UBE3D: variants seen among roughly 807,000 people sequenced by gnomAD.
UBE3D encodes ubiquitin protein ligase E3D.
A neutral mutation model predicts 49.6 loss-of-function variants in UBE3D; 48 were observed. The ratio of observed to expected loss-of-function variants is 0.97; its 90% confidence interval spans 0.77 to 1.23. The LOEUF (loss-of-function observed/expected upper bound fraction) is 1.23. Ranked by LOEUF, UBE3D falls within the 50% of genes most tolerant of loss-of-function variation. The pLI, the probability that UBE3D is intolerant of heterozygous loss-of-function variation, is 0.00. For synonymous variants in UBE3D, 189 were observed against 174.2 expected, an observed-to-expected ratio of 1.08 and a Z score of -0.67; for missense variants, 452 against 468.4, an observed-to-expected ratio of 0.96 and a Z score of 0.32.
chr6:83,028,225 T>C (rs138513992), intron 5 of UBE3D, among the ~76,000 whole-genome samples: 10 of 152,210 alleles, frequency 6.6e-5, no homozygotes, highest in African/African-American at 1.2e-4. Context: ...ACAATTCCAA[T>C]AAGAAGTCTA....
At chr6:82,901,456 C>A (rs1771730650) in intron 9 of UBE3D, among the ~76,000 whole-genome samples, 1 of 152,210 alleles carries the variant, frequency 6.6e-6, no homozygotes, top group African/African-American at 2.4e-5. Flanking sequence ...ACTGTGCCCA[C>A]TCCAGACTTA....
At chr6:82,974,821 T>C (rs1192579374) in intron 8 of UBE3D, among the ~76,000 whole-genome samples, 1 of 151,998 alleles carries the variant, frequency 6.6e-6, no homozygotes, top group Non-Finnish European at 1.5e-5. Flanking sequence ...AAACATCATA[T>C]TGTGAATATT....
At chr6:82,969,452 CA>C (rs1215183693) in intron 8 of UBE3D, among the ~76,000 whole-genome samples, 4 of 151,836 alleles carry the variant, frequency 2.6e-5, no homozygotes, top group African/African-American at 9.7e-5. Context: ...ACTAAAAATA[CA>C]AAAAAGTAGC....
chr6:83,035,761 T>C (rs906745190), intron 5 of UBE3D, among the ~76,000 whole-genome samples: 11 of 152,140 alleles, frequency 7.2e-5, no homozygotes, highest in Non-Finnish European at 1.6e-4. Flanking sequence ...CTCTGGAAAA[T>C]AGACTTGTAT....
intron 8 of UBE3D, among the ~76,000 whole-genome samples, chr6:82,999,351 T>C (rs533849650): frequency 6.6e-6 from 1 of 152,218 alleles, no homozygotes; most frequent in East Asian, 1.9e-4. Flanking sequence ...TTCTTTCTCA[T>C]GTGTAATCAA....
At chr6:83,017,379 A>C (rs1780766662) in intron 8 of UBE3D, 1 of 152,178 alleles carries the variant, frequency 6.6e-6, no homozygotes, top group Non-Finnish European at 1.5e-5. Flanking sequence ...ATAAACCTAA[A>C]TATATAAAGA....
the UBE3D span, among the ~76,000 whole-genome samples, chr6:82,885,363 A>G: frequency 6.6e-6 from 1 of 152,188 alleles, no homozygotes; most frequent in African/African-American, 2.4e-5. Flanking sequence ...AATCAATTCC[A>G]TAGGGGATGA....
intron 8 of UBE3D, among the ~76,000 whole-genome samples, chr6:82,971,126 A>T (rs2127705667): frequency 6.6e-6 from 1 of 152,178 alleles, no homozygotes; most frequent in East Asian, 1.9e-4. Flanking sequence ...CTAATTTACT[A>T]TTTTCTGACA....
At position 82,894,856 on chromosome 6, in the gene UBE3D, A is replaced by C. The variant is rs190754698; in HGVS notation, c.1150-1814T>G. ...CAGTTTACAGGGACAGGAAGCTCAC[A>C]ACTGTACAAAGAAGACAATGACGCT... is the stretch of plus-strand genomic sequence containing the variant. On this transcript the variant is annotated intron_variant, in intron 9 of 9. Coordinates refer to ENST00000369747, the MANE Select transcript of UBE3D (RefSeq NM_198920.3). Among the ~76,000 whole-genome samples the C allele has an allele frequency of 8.1e-3, 1,238 of 152,354 alleles. 12 individuals are homozygous for C. The highest frequency in any genetic ancestry group is 0.01 in the Non-Finnish European group (698 of 68,034).
At chr6:82,953,198 G>A (rs1775923742) in intron 9 of UBE3D, among the ~76,000 whole-genome samples, 1 of 152,194 alleles carries the variant, frequency 6.6e-6, no homozygotes, top group South Asian at 2.1e-4. Flanking sequence ...GGACACCTCT[G>A]CACCTCTAAT....
intron 8 of UBE3D, among the ~76,000 whole-genome samples, chr6:83,013,080 C>T (rs1232197037): frequency 1.3e-5 from 2 of 152,294 alleles, no homozygotes; most frequent in East Asian, 1.9e-4. Context: ...ATGTAACTTA[C>T]TTGTGCCTTC....
At chr6:83,046,675 G>GGGC (rs1373000873) in intron 3 of UBE3D, among the ~76,000 whole-genome samples, 4 of 139,080 alleles carry the variant, frequency 2.9e-5, no homozygotes, top group Admixed American at 1.5e-4. Flanking sequence ...CAGTTGGCGG[G>GGGC]GGGGGTGGGC....
chr6:83,056,863 A>G (rs1279458867), intron 2 of UBE3D, among the ~76,000 whole-genome samples: 1 of 152,192 alleles, frequency 6.6e-6, no homozygotes, highest in Non-Finnish European at 1.5e-5. Context: ...AAAGAATTAC[A>G]ATCTTTCTCT....
rs1362180443 is a variant in UBE3D, at chr6:82,938,321, GT to G, written c.1149+18990del. 2.0e-5 allele frequency: 3 copies of G among 152,286 alleles called. No individual in the cohort carries two copies. The East Asian group carries it at 5.8e-4, about 29-fold the overall frequency. The allele number at this position is 152,286 out of a possible 1,614,324, so 9.4% of individuals were successfully genotyped here. ...TAGATCTTGAGTGTCTGACATCAGC[GT>G]GAGCGACTGTCCTACCACATCAGAC... is the stretch of plus-strand genomic sequence containing the variant. On this transcript the variant is annotated intron_variant, in intron 9 of 9. Transcript: ENST00000369747.
chr6:82,942,089 C>T (rs1292768823), intron 9 of UBE3D, among the ~76,000 whole-genome samples: 1 of 152,102 alleles, frequency 6.6e-6, no homozygotes, highest in East Asian at 1.9e-4. Flanking sequence ...TTTGGAACTT[C>T]CTAGAGATTA....
chr6:82,982,204 TG>T (rs1408034849), intron 8 of UBE3D, among the ~76,000 whole-genome samples: 1 of 152,176 alleles, frequency 6.6e-6, no homozygotes, highest in African/African-American at 2.4e-5. Flanking sequence ...TCTCAACCCC[TG>T]GATCTTTTTG....
chr6:83,064,831 C>T (rs1282954666), intron 1 of UBE3D, among the ~76,000 whole-genome samples: 1 of 152,166 alleles, frequency 6.6e-6, no homozygotes, highest in Non-Finnish European at 1.5e-5. Flanking sequence ...CAAATTGCCA[C>T]ACCAGATATC....
chr6:82,887,384 T>A, the UBE3D span, among the ~76,000 whole-genome samples: 1 of 95,938 alleles, frequency 1.0e-5, no homozygotes, highest in Non-Finnish European at 2.1e-5. Flanking sequence ...GAGGAGACAG[T>A]AACAGTTTTT....
intron 8 of UBE3D, among the ~76,000 whole-genome samples, chr6:82,997,980 A>G (rs1350443674): frequency 6.6e-6 from 1 of 152,028 alleles, no homozygotes; most frequent in Non-Finnish European, 1.5e-5. Context: ...TTTTTTAAGT[A>G]CGGGAATTTT....
Sources: allele counts gnomAD v4.1 joint callset (sites outside exome capture counted in the v4.1 genomes callset), GRCh38; gene constraint gnomAD v4.1.1; transcripts MANE v1.5; gene names NCBI Gene and HGNC (gene_info 2026-07-23, HGNC 2026-07-21).